The following IL1RAPL1 variants were observed in gnomAD, a reference collection of about 807,000 sequenced individuals.
The protein encoded by IL1RAPL1 is interleukin-1 receptor accessory protein-like 1.
Under a neutral mutation model 48.4 loss-of-function variants are expected in IL1RAPL1, and 3 were observed. The observed-to-expected ratio is 0.06, with a 90% CI of 0.03 to 0.16. The LOEUF is 0.16. IL1RAPL1 is among the 10% of genes least tolerant of loss of function. The pLI is 1.00. For synonymous variants in IL1RAPL1, 185 were observed against 187.7 expected (o/e 0.99, Z 0.12); for missense variants, 349 against 530.6 (o/e 0.66, Z 3.36).
chrX:28,933,844 C>T (rs945381937), intron 2 of IL1RAPL1, among the ~76,000 whole-genome samples: 2 of 111,655 alleles, frequency 1.8e-5, no homozygotes, highest in Non-Finnish European at 3.8e-5. Context: ...GAGGGATCCT[C>T]CCCCTTTTAA....
At chrX:29,223,648 G>C in intron 2 of IL1RAPL1, among the ~76,000 whole-genome samples, 1 of 108,686 alleles carries the variant, frequency 9.2e-6, no homozygotes, top group East Asian at 2.9e-4. Context: ...CGGTTCAAGA[G>C]ATTTTCCTGC....
intron 5 of IL1RAPL1, among the ~76,000 whole-genome samples, chrX:29,662,163 T>C (rs1186102756): frequency 8.9e-6 from 1 of 111,957 alleles, no homozygotes; most frequent in Admixed American, 9.5e-5. Context: ...ATTGTCACTC[T>C]TTTTTTACAT....
At chrX:29,725,784 T>C (rs185799818) in intron 6 of IL1RAPL1, among the ~76,000 whole-genome samples, 201 of 112,552 alleles carry the variant, frequency 1.8e-3, no homozygotes, top group Non-Finnish European at 3.3e-3. Flanking sequence ...AAAATTTATA[T>C]GGTAACTTTT....
rs940981116 is a variant in IL1RAPL1, at chrX:29,823,906, G to A, written c.779-93558G>A. Among the ~76,000 whole-genome samples, 3 of 111,585 alleles carry A rather than the reference G, an allele frequency of 2.7e-5. No homozygotes were observed. In the East Asian group the frequency reaches 8.4e-4, roughly 31 times the overall value. ...AAGTACAGCCAATATTTCTTCCTTT[G>A]GGATAGCTAGTTCCACTGAAAATTT... On this transcript the variant is annotated intron_variant, in intron 6 of 10. Coordinates refer to ENST00000378993, the MANE Select transcript of IL1RAPL1 (RefSeq NM_014271.4).
intron 2 of IL1RAPL1, among the ~76,000 whole-genome samples, chrX:28,956,732 T>G (rs1404688630): frequency 4.6e-5 from 5 of 108,917 alleles, no homozygotes; most frequent in Non-Finnish European, 7.6e-5. Context: ...TCTTTTTTGG[T>G]TGTGTCTCTG....
At chrX:29,025,744 A>G (rs1024074646) in intron 2 of IL1RAPL1, among the ~76,000 whole-genome samples, 3 of 111,652 alleles carry the variant, frequency 2.7e-5, no homozygotes, top group Non-Finnish European at 5.6e-5. Flanking sequence ...CACGGTGCCT[A>G]GGATTAAAGA....
chrX:29,308,857 C>A (rs764242684), intron 3 of IL1RAPL1, among the ~76,000 whole-genome samples: 13 of 111,803 alleles, frequency 1.2e-4, no homozygotes, highest in Non-Finnish European at 2.4e-4. Context: ...TAACTCTTTC[C>A]AAGGGACATC....
intron 5 of IL1RAPL1, among the ~76,000 whole-genome samples, chrX:29,511,267 T>TA (rs1161788792): frequency 8.9e-6 from 1 of 112,008 alleles, no homozygotes; most frequent in East Asian, 2.8e-4. Flanking sequence ...AAAAATACTT[T>TA]AAAAAATAAA....
At chrX:29,195,626 C>G (rs1930428596) in intron 2 of IL1RAPL1, among the ~76,000 whole-genome samples, 1 of 98,943 alleles carries the variant, frequency 1.0e-5, no homozygotes, top group African/African-American at 3.8e-5. Flanking sequence ...GTGGCGCCAT[C>G]TGGGCTCACT....
At chrX:29,230,748 C>T (rs185031846) in intron 2 of IL1RAPL1, among the ~76,000 whole-genome samples, 1 of 110,213 alleles carries the variant, frequency 9.1e-6, no homozygotes, top group African/African-American at 3.3e-5. Context: ...AAGAAGTGAC[C>T]TACAACTAGG....
At chrX:29,838,765 A>G (rs1392387817) in intron 6 of IL1RAPL1, among the ~76,000 whole-genome samples, 2 of 112,023 alleles carry the variant, frequency 1.8e-5, no homozygotes, top group Non-Finnish European at 3.8e-5. Flanking sequence ...GCTTTAAAAC[A>G]CTAACCCTTT....
At chrX:28,808,762 A>G (rs939736122) in intron 2 of IL1RAPL1, among the ~76,000 whole-genome samples, 1 of 110,970 alleles carries the variant, frequency 9.0e-6, no homozygotes, top group African/African-American at 3.3e-5. Flanking sequence ...ACTTTAGCCA[A>G]AAGAGGTTAC....
At chrX:29,318,167 G>T (rs1216355853) in intron 3 of IL1RAPL1, among the ~76,000 whole-genome samples, 1 of 111,940 alleles carries the variant, frequency 8.9e-6, no homozygotes, top group African/African-American at 3.2e-5. Flanking sequence ...CCACCACAAG[G>T]AATTTTGGCT....
chrX:29,347,342 A>G (rs767237769), intron 3 of IL1RAPL1, among the ~76,000 whole-genome samples: 3 of 109,834 alleles, frequency 2.7e-5, no homozygotes, highest in Non-Finnish European at 3.8e-5. Context: ...TTCTTACTGT[A>G]GATCTTAGCA....
chrX:29,495,818 C>A (rs750923897), intron 5 of IL1RAPL1, among the ~76,000 whole-genome samples: 15 of 111,295 alleles, frequency 1.3e-4, no homozygotes, highest in African/African-American at 4.9e-4. Flanking sequence ...TACATACTAT[C>A]GCTATTGCAC....
chrX:29,865,856 G>T (rs2147206532), intron 6 of IL1RAPL1, among the ~76,000 whole-genome samples: 1 of 103,102 alleles, frequency 9.7e-6, no homozygotes, highest in East Asian at 3.1e-4. Flanking sequence ...CACCATGTTG[G>T]TCAGACTGGT....
intron 3 of IL1RAPL1, among the ~76,000 whole-genome samples, chrX:29,387,372 T>C (rs1360580834): frequency 8.9e-6 from 1 of 112,468 alleles, no homozygotes; most frequent in East Asian, 2.8e-4. Context: ...TTCAAAGATG[T>C]CACTTTTTAT....
In IL1RAPL1 at chrX:29,203,722, AATATATATATATATAT is replaced by A. The variant is rs56950481; in HGVS notation, c.83-79192_83-79177del. 2.9e-3 allele frequency among the ~76,000 whole-genome samples: 224 copies of A among 78,398 alleles called. 8 individuals are homozygous for A. Among genetic ancestry groups the A allele is most frequent in the African/African-American group, 0.011 (197 of 18,505 alleles). 68.1% of individuals were successfully genotyped at this position (78,398 alleles called of 115,157 possible). Reference sequence around the variant, plus strand: ...CAACAAGAGCAAAACTCCGTCTCAAAATATATATATATATATATATATATATATATATATATATAGT... The same window carrying A: ...CAACAAGAGCAAAACTCCGTCTCAAAATATATATATATATATATATATAGT... On this transcript the variant is annotated intron_variant, in intron 2 of 10. Coordinates refer to ENST00000378993, the MANE Select transcript of IL1RAPL1 (RefSeq NM_014271.4).
chrX:29,100,337 G>A (rs1054408711), intron 2 of IL1RAPL1, among the ~76,000 whole-genome samples: 6 of 112,186 alleles, frequency 5.3e-5, no homozygotes, highest in Non-Finnish European at 7.5e-5. Context: ...TTCACAATGT[G>A]GACAGGCAGC....
Sources: allele counts gnomAD v4.1 joint callset (sites outside exome capture counted in the v4.1 genomes callset), GRCh38; gene constraint gnomAD v4.1.1; transcripts MANE v1.5; gene names NCBI Gene and HGNC (gene_info 2026-07-23, HGNC 2026-07-21).